Variants in SHISA9 observed in about 807,000 individuals in gnomAD.
SHISA9 encodes the protein protein shisa-9.
Under a neutral mutation model 38.0 loss-of-function variants are expected in SHISA9, and 13 were observed. That is an observed-to-expected ratio of 0.34 (90% CI 0.22 to 0.54). The LOEUF (loss-of-function observed/expected upper bound fraction) is 0.54. Ranked by LOEUF, SHISA9 falls within the 20% of genes least tolerant of loss-of-function variation. SHISA9 has a pLI of 0.91. For synonymous variants in SHISA9, 275 were observed against 242.0 expected, an observed-to-expected ratio of 1.14 and a Z score of -1.27; for missense variants, 538 against 575.8, an observed-to-expected ratio of 0.93 and a Z score of 0.67.
chr16:13,398,502 ATT>A, the SHISA9 span, among the ~76,000 whole-genome samples: 605 of 140,192 alleles, frequency 4.3e-3, 1 homozygote, highest in East Asian at 9.1e-3. Context: ...TTTATTCACC[ATT>A]TTTTTTTTTT....
At chr16:13,032,669 G>C (rs1196367545) in intron 2 of SHISA9, among the ~76,000 whole-genome samples, 1 of 152,146 alleles carries the variant, frequency 6.6e-6, no homozygotes, top group African/African-American at 2.4e-5. Flanking sequence ...ATATTAGACT[G>C]TTCTCATCTA....
the SHISA9 span, among the ~76,000 whole-genome samples, chr16:13,270,313 C>T: frequency 4.9e-3 from 743 of 152,016 alleles, 8 homozygotes; most frequent in African/African-American, 0.016. Flanking sequence ...GAGTTGGGGG[C>T]GAGGGGCAGT....
At chr16:13,269,132 G>A in the SHISA9 span, among the ~76,000 whole-genome samples, 1 of 152,192 alleles carries the variant, frequency 6.6e-6, no homozygotes. Context: ...TCAGGAGGTG[G>A]TAAACTTTAT....
At chr16:13,461,855 C>T in the SHISA9 span, among the ~76,000 whole-genome samples, 8 of 151,906 alleles carry the variant, frequency 5.3e-5, no homozygotes, top group East Asian at 9.9e-4. Flanking sequence ...CCTCGTGATC[C>T]GCCCACCTCG....
chr16:13,381,616 T>C, the SHISA9 span, among the ~76,000 whole-genome samples: 118 of 152,344 alleles, frequency 7.7e-4, 1 homozygote, highest in African/African-American at 2.7e-3. Context: ...GTGGTGTTGG[T>C]GGTGCTATTC....
the SHISA9 span, among the ~76,000 whole-genome samples, chr16:13,536,418 C>G: frequency 6.6e-6 from 1 of 152,302 alleles, no homozygotes; most frequent in East Asian, 1.9e-4. Flanking sequence ...GGCATTTCTC[C>G]TTTGACAGGA....
At chr16:13,015,823 T>TTC (rs1166402684) in intron 2 of SHISA9, among the ~76,000 whole-genome samples, 5 of 147,856 alleles carry the variant, frequency 3.4e-5, no homozygotes, top group Admixed American at 2.7e-4. Context: ...GTTTGTTTGT[T>TTC]TCTCTCTCTC....
At chr16:13,094,570 C>G (rs560832323) in intron 2 of SHISA9, among the ~76,000 whole-genome samples, 1 of 152,268 alleles carries the variant, frequency 6.6e-6, no homozygotes, top group Admixed American at 6.5e-5. Flanking sequence ...GGAAAGCCAA[C>G]TTTAATTCCA....
chr16:12,988,327 G>A (rs902012033), intron 2 of SHISA9, among the ~76,000 whole-genome samples: 2 of 152,022 alleles, frequency 1.3e-5, no homozygotes, highest in African/African-American at 2.4e-5. Flanking sequence ...ACATTCTCCC[G>A]CAGGTCGTCC....
At chr16:13,508,737 T>C in the SHISA9 span, among the ~76,000 whole-genome samples, 1 of 152,226 alleles carries the variant, frequency 6.6e-6, no homozygotes, top group Non-Finnish European at 1.5e-5. Context: ...AATGTGGATG[T>C]ATTTTCTCAT....
At chr16:13,527,518 C>G in the SHISA9 span, among the ~76,000 whole-genome samples, 1 of 152,174 alleles carries the variant, frequency 6.6e-6, no homozygotes, top group Non-Finnish European at 1.5e-5. Context: ...AGTCATGTGA[C>G]TAGTCTAGTT....
At chr16:13,062,248 C>G (rs1203558351) in intron 2 of SHISA9, among the ~76,000 whole-genome samples, 1 of 152,018 alleles carries the variant, frequency 6.6e-6, no homozygotes, top group Non-Finnish European at 1.5e-5. Flanking sequence ...TCCTGTGTCT[C>G]TAGTTGCCAA....
At chr16:12,903,645 C>A (rs549404730) in intron 1 of SHISA9, among the ~76,000 whole-genome samples, 2 of 152,216 alleles carry the variant, frequency 1.3e-5, no homozygotes, top group East Asian at 3.9e-4. Flanking sequence ...GAGGTCCGGG[C>A]GGGCGGGGTG....
chr16:12,957,926 G>A (rs1463928475), intron 2 of SHISA9, among the ~76,000 whole-genome samples: 1 of 152,240 alleles, frequency 6.6e-6, no homozygotes, highest in African/African-American at 2.4e-5. Flanking sequence ...CCAGCAAGGG[G>A]GCTCGACTTT....
At chr16:13,528,192 A>G in the SHISA9 span, among the ~76,000 whole-genome samples, 10 of 152,154 alleles carry the variant, frequency 6.6e-5, no homozygotes, top group Non-Finnish European at 1.3e-4. Context: ...CAGCAAGATC[A>G]TAGACCCGAG....
chr16:13,226,506 G>C (rs949047813), intron 4 of SHISA9, among the ~76,000 whole-genome samples: 15 of 152,218 alleles, frequency 9.9e-5, no homozygotes, highest in Non-Finnish European at 1.9e-4. Flanking sequence ...TATCCTTTCA[G>C]GTTCTTGAAG....
chr16:13,263,093 C>T, the SHISA9 span, among the ~76,000 whole-genome samples: 9 of 152,164 alleles, frequency 5.9e-5, no homozygotes, highest in African/African-American at 1.9e-4. Flanking sequence ...ATGTCTTAAA[C>T]CCCATTCCCA....
the SHISA9 span, among the ~76,000 whole-genome samples, chr16:13,529,162 A>G: frequency 2.4e-4 from 37 of 152,322 alleles, no homozygotes; most frequent in African/African-American, 8.7e-4. Context: ...TCAAATAGCA[A>G]TCGTAAGACT....
In SHISA9 at chr16:13,052,959, C is replaced by CTTT. The variant is rs925020167; in HGVS notation, c.691+136164_691+136166dup. Among the ~76,000 whole-genome samples, 511 of 106,050 alleles carry CTTT rather than the reference C, an allele frequency of 4.8e-3. 13 individuals are homozygous for CTTT. The highest frequency in any genetic ancestry group is 0.016 in the African/African-American group (429 of 26,190). The allele number at this position is 106,050 out of a possible 152,430, so 69.6% of individuals were successfully genotyped here. A position where few individuals can be genotyped will look rare whatever the true frequency, so the allele number is the denominator to read the frequency against. On this transcript the variant is annotated intron_variant, in intron 2 of 4. Transcript: ENST00000558583. ...CTTTAGGATCCCCTTTCCTTCCTTT[C>CTTT]TTTTTTTTTTTTTTTTTTTTTTGAG...
Sources: gnomAD v4.1 joint callset for allele counts (sites outside exome capture counted in the v4.1 genomes callset) on GRCh38, gnomAD v4.1.1 for gene constraint, MANE v1.5 for transcripts, NCBI Gene and HGNC (gene_info 2026-07-23, HGNC 2026-07-21) for gene names.